The following SOX6 variants were observed in gnomAD, a reference collection of about 807,000 sequenced individuals.
SOX6 encodes the protein transcription factor SOX-6.
Under a neutral mutation model 97.8 loss-of-function variants are expected in SOX6, and 11 were observed. That is an observed-to-expected ratio of 0.11 (90% CI 0.07 to 0.19). The LOEUF (loss-of-function observed/expected upper bound fraction) is 0.19, where lower values mean the gene tolerates loss of function less well. Ranked by LOEUF, SOX6 falls within the 10% of genes least tolerant of loss-of-function variation. The pLI is 1.00. For synonymous variants in SOX6, 360 were observed against 371.4 expected (o/e 0.97, Z 0.35); for missense variants, 810 against 1,039.5 (o/e 0.78, Z 3.04).
chr11:16,471,660 G>T (rs1284419091), intron 1 of SOX6, among the ~76,000 whole-genome samples: 2 of 152,150 alleles, frequency 1.3e-5, no homozygotes, highest in African/African-American at 4.8e-5. Flanking sequence ...CAGTCTAAGT[G>T]GTTGAACAGT....
At chr11:16,355,043 C>A (rs962040851) in intron 1 of SOX6, among the ~76,000 whole-genome samples, 1 of 152,010 alleles carries the variant, frequency 6.6e-6, no homozygotes, top group Non-Finnish European at 1.5e-5. Flanking sequence ...CTTGAGGAGT[C>A]ATAGATTTGC....
chr11:16,723,935 AT>A (rs1307537218), intron 2 of SOX6, among the ~76,000 whole-genome samples: 3 of 152,208 alleles, frequency 2.0e-5, no homozygotes, highest in African/African-American at 7.2e-5. Flanking sequence ...CGCCCAAAGA[AT>A]TTCTGTGACT....
At chr11:16,625,306 C>T (rs1212650159) in intron 3 of SOX6, among the ~76,000 whole-genome samples, 1 of 135,746 alleles carries the variant, frequency 7.4e-6, no homozygotes, top group Non-Finnish European at 1.7e-5. Context: ...AAGTCCCTAG[C>T]CATCTTTAAT....
intron 3 of SOX6, among the ~76,000 whole-genome samples, chr11:16,616,496 A>T (rs1473290149): frequency 6.6e-6 from 1 of 151,968 alleles, no homozygotes. Flanking sequence ...TATTTTTTTT[A>T]ACATTACAAT....
Position 16,318,668 on chromosome 11 carries a change from T to G in SOX6, c.238-15A>C, listed in dbSNP as rs772495250. 2.5e-6 allele frequency: 4 copies of G among 1,606,878 alleles called. No individual in the cohort carries two copies. The highest frequency in any genetic ancestry group is 3.4e-6 in the Non-Finnish European group (4 of 1,174,416). On this transcript the variant is annotated splice_polypyrimidine_tract_variant and intron_variant, in intron 2 of 15. Transcript: ENST00000683767. ...TTCTCTGATTCCTAGAAAAATAAAA[T>G]AAAATAAAACCATTAGAATATACGT...
intron 15 of SOX6, among the ~76,000 whole-genome samples, chr11:15,982,069 G>A (rs1034474399): frequency 8.6e-5 from 13 of 151,906 alleles, no homozygotes; most frequent in African/African-American, 2.9e-4. Flanking sequence ...AGCCAAGAAG[G>A]TGCAGATCTA....
At chr11:16,246,676 G>A (rs1853345615) in intron 3 of SOX6, among the ~76,000 whole-genome samples, 1 of 151,878 alleles carries the variant, frequency 6.6e-6, no homozygotes, top group South Asian at 2.1e-4. Flanking sequence ...CCAGCCATTT[G>A]ATTTTGATGT....
rs1341942470 is a variant in SOX6, at chr11:16,676,144, A to G, written n.429+38686T>C. 3.9e-5 allele frequency among the ~76,000 whole-genome samples: 6 copies of G among 152,050 alleles called. No homozygotes were observed. In the East Asian group the frequency reaches 9.7e-4, roughly 24 times the overall value. On this transcript the variant is annotated intron_variant and non_coding_transcript_variant, in intron 3 of 5. Transcript: ENST00000524520. Reference sequence around the variant, plus strand: ...GCATAATCTCAACTGACCTATTTTCAGTTTCATGAATTCTTTCTTTTGCCT... The same window carrying G: ...GCATAATCTCAACTGACCTATTTTCGGTTTCATGAATTCTTTCTTTTGCCT...
chr11:16,061,280 G>A (rs1371296279), intron 9 of SOX6, among the ~76,000 whole-genome samples: 1 of 145,434 alleles, frequency 6.9e-6, no homozygotes, highest in Non-Finnish European at 1.5e-5. Context: ...AAAGAAAGAA[G>A]GCAATCCCAG....
intron 3 of SOX6, among the ~76,000 whole-genome samples, chr11:16,640,789 ATTC>A (rs1775722140): frequency 6.6e-6 from 1 of 151,856 alleles, no homozygotes; most frequent in African/African-American, 2.4e-5. Flanking sequence ...CATCTATTTA[ATTC>A]TTCTCTCTTT....
At chr11:16,211,189 G>A (rs780975695) in intron 4 of SOX6, among the ~76,000 whole-genome samples, 32 of 152,084 alleles carry the variant, frequency 2.1e-4, no homozygotes, top group Non-Finnish European at 4.1e-4. Flanking sequence ...ATCTTGATAG[G>A]ATGTTTAGGG....
chr11:16,508,787 A>C (rs1032552401), intron 4 of SOX6, among the ~76,000 whole-genome samples: 1 of 152,158 alleles, frequency 6.6e-6, no homozygotes, highest in Non-Finnish European at 1.5e-5. Flanking sequence ...TAGGATGACT[A>C]TCATTAACAA....
chr11:16,712,078 T>TACACACACACAC (rs58807051), intron 3 of SOX6, among the ~76,000 whole-genome samples: 9 of 139,998 alleles, frequency 6.4e-5, no homozygotes, highest in African/African-American at 7.9e-5. Flanking sequence ...TAGTATTCCA[T>TACACACACACAC]ACACACACAC....
intron 12 of SOX6, among the ~76,000 whole-genome samples, chr11:16,022,331 TTTCCTTCCTTCCTTCCTTCC>T (rs71044083): frequency 8.8e-6 from 1 of 113,788 alleles, no homozygotes; most frequent in Non-Finnish European, 1.8e-5. Flanking sequence ...TCCTTCCTTC[TTTCCTTCCTTCCTTCCTTCC>T]TTCCTTCCTT....
chr11:16,692,301 C>T (rs1485507017), intron 3 of SOX6, among the ~76,000 whole-genome samples: 1 of 152,134 alleles, frequency 6.6e-6, no homozygotes, highest in Admixed American at 6.5e-5. Context: ...CCACCCACCT[C>T]GGCCTTCCAA....
chr11:16,435,566 T>C (rs1859360305), intron 1 of SOX6, among the ~76,000 whole-genome samples: 1 of 152,138 alleles, frequency 6.6e-6, no homozygotes, highest in Admixed American at 6.5e-5. Flanking sequence ...AAAGATTCCC[T>C]ACAGGTTTCA....
chr11:16,729,708 G>T (rs1848334208), intron 2 of SOX6, among the ~76,000 whole-genome samples: 1 of 152,080 alleles, frequency 6.6e-6, no homozygotes, highest in Admixed American at 6.6e-5. Context: ...CATAATGACA[G>T]GATCAAATTC....
At chr11:16,532,966 G>T (rs1184848169) in intron 4 of SOX6, among the ~76,000 whole-genome samples, 3 of 151,800 alleles carry the variant, frequency 2.0e-5, no homozygotes, top group Non-Finnish European at 4.4e-5. Context: ...CACGCCAAGG[G>T]AAAGAGAAGA....
At position 16,093,330 on chromosome 11, in the gene SOX6, T is replaced by C. The variant is rs184382159; in HGVS notation, c.1101+2666A>G. On this transcript the variant is annotated intron_variant, in intron 9 of 15. Transcript: ENST00000683767. ...CCCCTGAGGCAGAGAAAACCATGCC[T>C]TAGATCAGCACAGTAGTATTTTAAA... Among the ~76,000 whole-genome samples the C allele has an allele frequency of 1.1e-3, 165 of 152,138 alleles. No individual in the cohort carries two copies. The Middle Eastern group carries it at 0.017, about 16-fold the overall frequency.
Sources: gnomAD v4.1 joint callset for allele counts (sites outside exome capture counted in the v4.1 genomes callset) on GRCh38, gnomAD v4.1.1 for gene constraint, MANE v1.5 for transcripts, NCBI Gene and HGNC (gene_info 2026-07-23, HGNC 2026-07-21) for gene names.